ADGRB3: variants seen among roughly 807,000 people sequenced by gnomAD.
The protein encoded by ADGRB3 is brain-specific angiogenesis inhibitor 3.
In ADGRB3, 37 loss-of-function variants were observed where a neutral mutation model predicts 193.4. The observed-to-expected ratio is 0.19, with a 90% confidence interval of 0.15 to 0.25. ADGRB3 has a LOEUF of 0.25. Among genes scored for constraint, ADGRB3 ranks in the 10% least tolerant of loss-of-function variants. The pLI is 1.00. For synonymous variants in ADGRB3, 690 were observed against 644.2 expected (o/e 1.07, Z -1.08); for missense variants, 1,637 against 1,852.9 (o/e 0.88, Z 2.14).
At chr6:69,103,909 T>C (rs1773137155) in intron 17 of ADGRB3, among the ~76,000 whole-genome samples, 1 of 152,042 alleles carries the variant, frequency 6.6e-6, no homozygotes, top group African/African-American at 2.4e-5. Flanking sequence ...CTTCCTATCA[T>C]TCAAGGTTTT....
intron 3 of ADGRB3, among the ~76,000 whole-genome samples, chr6:68,719,551 T>C (rs1238170169): frequency 6.6e-6 from 1 of 151,812 alleles, no homozygotes; most frequent in Non-Finnish European, 1.5e-5. Flanking sequence ...CTCTGTTTAA[T>C]TAACAGTTAC....
chr6:69,242,194 C>T (rs1356215213), intron 20 of ADGRB3, among the ~76,000 whole-genome samples: 2 of 151,816 alleles, frequency 1.3e-5, no homozygotes, highest in Admixed American at 1.3e-4. Context: ...AGTGTGTTGT[C>T]TGTATAAACT....
intron 29 of ADGRB3, among the ~76,000 whole-genome samples, chr6:69,370,633 G>A (rs1184927929): frequency 2.0e-5 from 3 of 151,928 alleles, no homozygotes; most frequent in African/African-American, 7.3e-5. Flanking sequence ...TCTATCTCTG[G>A]TGATCTAGGT....
At chr6:68,645,942 G>C (rs1768202691) in intron 3 of ADGRB3, among the ~76,000 whole-genome samples, 1 of 151,868 alleles carries the variant, frequency 6.6e-6, no homozygotes, top group Non-Finnish European at 1.5e-5. Flanking sequence ...CCAAGTGCTA[G>C]GATTACAGGC....
chr6:68,696,007 G>T (rs914880233), intron 3 of ADGRB3, among the ~76,000 whole-genome samples: 1 of 151,904 alleles, frequency 6.6e-6, no homozygotes, highest in African/African-American at 2.4e-5. Flanking sequence ...CGACCCAAAG[G>T]GGGTAGTCTC....
chr6:68,796,098 G>A (rs1453763260), intron 3 of ADGRB3, among the ~76,000 whole-genome samples: 3 of 151,980 alleles, frequency 2.0e-5, no homozygotes, highest in African/African-American at 7.3e-5. Flanking sequence ...ATATTTCTCT[G>A]CAACTTGGTT....
intron 10 of ADGRB3, among the ~76,000 whole-genome samples, chr6:68,985,763 A>G (rs1769051984): frequency 6.6e-6 from 1 of 152,184 alleles, no homozygotes; most frequent in Admixed American, 6.5e-5. Context: ...TTAGTACAGC[A>G]TAATCTATCC....
At chr6:68,899,311 T>C (rs1226803506) in intron 3 of ADGRB3, among the ~76,000 whole-genome samples, 3 of 152,164 alleles carry the variant, frequency 2.0e-5, no homozygotes, top group Non-Finnish European at 4.4e-5. Flanking sequence ...TTTATTATAC[T>C]TTAAATTTTA....
chr6:69,081,980 A>G (rs1465187667), intron 17 of ADGRB3, among the ~76,000 whole-genome samples: 1 of 152,076 alleles, frequency 6.6e-6, no homozygotes, highest in African/African-American at 2.4e-5. Flanking sequence ...TGTCCATCTA[A>G]CATTGGGGTT....
At chr6:68,675,391 A>T (rs1769065203) in intron 3 of ADGRB3, among the ~76,000 whole-genome samples, 1 of 152,212 alleles carries the variant, frequency 6.6e-6, no homozygotes, top group Non-Finnish European at 1.5e-5. Flanking sequence ...AACTGGGGAT[A>T]CAGAAGTTCC....
chr6:68,665,759 G>T (rs181157576), intron 3 of ADGRB3, among the ~76,000 whole-genome samples: 4 of 151,476 alleles, frequency 2.6e-5, no homozygotes, highest in Non-Finnish European at 5.9e-5. Flanking sequence ...ATACTAATTA[G>T]GGAAATAAAA....
rs555324927 is a variant in ADGRB3 at position 68,661,459 on chromosome 6, A to ATG, written c.757+22033_757+22034dup. On this transcript the variant is annotated intron_variant, in intron 3 of 31. Coordinates refer to ENST00000370598, the MANE Select transcript of ADGRB3 (RefSeq NM_001704.3). ...TATATATATGTGTGTATACATATAT[A>ATG]TGTGTGTATATATATGTGTATACAT... 2.4e-5 allele frequency among the ~76,000 whole-genome samples: 3 copies of ATG among 125,150 alleles called. No homozygotes were observed. The East Asian group carries it at 6.9e-4, about 29-fold the overall frequency. The allele number at this position is 125,150 out of a possible 152,430, so 82.1% of individuals were successfully genotyped here.
chr6:69,341,348 G>A (rs1768970164), intron 26 of ADGRB3, among the ~76,000 whole-genome samples: 1 of 152,098 alleles, frequency 6.6e-6, no homozygotes, highest in Non-Finnish European at 1.5e-5. Flanking sequence ...GTTTTGATTT[G>A]CATTTCTCTA....
intron 31 of ADGRB3, among the ~76,000 whole-genome samples, chr6:69,385,751 C>T (rs1323060903): frequency 6.6e-6 from 1 of 152,044 alleles, no homozygotes; most frequent in Non-Finnish European, 1.5e-5. Context: ...TTTCCTGGCA[C>T]CTACAGCTCT....
intron 20 of ADGRB3, among the ~76,000 whole-genome samples, chr6:69,252,482 A>G (rs1264509262): frequency 6.6e-6 from 1 of 152,162 alleles, no homozygotes; most frequent in Non-Finnish European, 1.5e-5. Flanking sequence ...GAAAAAATAC[A>G]AACTGCTGAA....
chr6:68,645,562 C>A (rs941006168), intron 3 of ADGRB3, among the ~76,000 whole-genome samples: 1 of 152,122 alleles, frequency 6.6e-6, no homozygotes, highest in Non-Finnish European at 1.5e-5. Flanking sequence ...AGTGACTGAG[C>A]TTGACTAATT....
intron 3 of ADGRB3, among the ~76,000 whole-genome samples, chr6:68,804,924 T>TTTTA (rs1767375068): frequency 6.6e-6 from 1 of 151,972 alleles, no homozygotes; most frequent in Non-Finnish European, 1.5e-5. Flanking sequence ...TTAATTGTAT[T>TTTTA]TTTATTTATT....
At chr6:68,703,049 A>T (rs1765269367) in intron 3 of ADGRB3, among the ~76,000 whole-genome samples, 1 of 152,186 alleles carries the variant, frequency 6.6e-6, no homozygotes, top group South Asian at 2.1e-4. Flanking sequence ...TATAAGATGC[A>T]TTGATGGGTG....
intron 3 of ADGRB3, among the ~76,000 whole-genome samples, chr6:68,878,239 T>C (rs1409772707): frequency 3.9e-5 from 6 of 152,112 alleles, no homozygotes; most frequent in African/African-American, 1.4e-4. Flanking sequence ...GTTCAGAGGA[T>C]TTTATTTTGT....
Sources: allele counts gnomAD v4.1 joint callset (sites outside exome capture counted in the v4.1 genomes callset), GRCh38; gene constraint gnomAD v4.1.1; transcripts MANE v1.5; gene names NCBI Gene and HGNC (gene_info 2026-07-23, HGNC 2026-07-21).